NTRK2: variants seen among roughly 807,000 people sequenced by gnomAD.
NTRK2 encodes neurotrophic receptor tyrosine kinase 2.
In NTRK2, 13 loss-of-function variants were observed where a neutral mutation model predicts 94.5. That is an observed-to-expected ratio of 0.14 (90% confidence interval 0.09 to 0.22). The LOEUF (loss-of-function observed/expected upper bound fraction) is 0.22. Ranked by LOEUF, NTRK2 falls within the 10% of genes least tolerant of loss-of-function variation. NTRK2 has a pLI of 1.00. For synonymous variants in NTRK2, 372 were observed against 407.4 expected (o/e 0.91, Z 1.05); for missense variants, 639 against 1,071.2 (o/e 0.60, Z 5.63).
intron 14 of NTRK2, among the ~76,000 whole-genome samples, chr9:84,887,530 C>T (rs1042069239): frequency 2.6e-5 from 4 of 152,186 alleles, no homozygotes; most frequent in Non-Finnish European, 4.4e-5. Flanking sequence ...CCTTTAAAGG[C>T]CTCGGAGAAA....
chr9:84,812,677 T>C (rs777189221), intron 12 of NTRK2: 36 of 1,043,144 alleles, frequency 3.5e-5, no homozygotes, highest in Non-Finnish European at 4.2e-5. Flanking sequence ...CAAAAAAGAT[T>C]TTTAAAGCTT....
chr9:84,784,088 G>C (rs1003838786), intron 12 of NTRK2, among the ~76,000 whole-genome samples: 1 of 152,138 alleles, frequency 6.6e-6, no homozygotes, highest in East Asian at 1.9e-4. Flanking sequence ...AAGGCAGCAA[G>C]GTTGAAAGAA....
chr9:84,773,863 T>C (rs2066786311), intron 12 of NTRK2, among the ~76,000 whole-genome samples: 1 of 152,206 alleles, frequency 6.6e-6, no homozygotes, highest in South Asian at 2.1e-4. Flanking sequence ...AAGTGCTTTA[T>C]GCATACAATC....
Position 85,022,869 on chromosome 9 carries a change from C to A in NTRK2, c.*1432C>A, listed in dbSNP as rs184850745. 9 of 233,246 alleles carry A rather than the reference C, an allele frequency of 3.9e-5. No individual in the cohort carries two copies. The East Asian group carries it at 5.4e-4, about 14-fold the overall frequency. The allele number at this position is 233,246 out of a possible 1,614,324, so 14.4% of individuals were successfully genotyped here. On this transcript the variant is annotated 3_prime_UTR_variant, in exon 19 of 19. Coordinates refer to ENST00000277120, the MANE Select transcript of NTRK2 (RefSeq NM_006180.6). ...CGAACCCACAGGACTGTGGGAAGGGCAGAATCAATCCCTAAGGGAAAGGAA... is the reference window on the plus strand; with the variant it reads ...CGAACCCACAGGACTGTGGGAAGGGAAGAATCAATCCCTAAGGGAAAGGAA...
intron 12 of NTRK2, among the ~76,000 whole-genome samples, chr9:84,764,519 A>T (rs996548845): frequency 6.6e-5 from 10 of 152,192 alleles, no homozygotes; most frequent in Non-Finnish European, 1.0e-4. Context: ...AGCTGCCTAC[A>T]CTAGGGAGGG....
intron 12 of NTRK2, among the ~76,000 whole-genome samples, chr9:84,842,959 G>A (rs1587631878): frequency 6.6e-6 from 1 of 152,270 alleles, no homozygotes; most frequent in Admixed American, 6.5e-5. Flanking sequence ...CCATGATCCA[G>A]TCTTTTTGAA....
At chr9:84,997,943 C>T (rs746208379) in intron 17 of NTRK2, among the ~76,000 whole-genome samples, 5 of 152,202 alleles carry the variant, frequency 3.3e-5, no homozygotes, top group Non-Finnish European at 5.9e-5. Flanking sequence ...TATGCTCCAG[C>T]CCCTGCTGTG....
Position 84,845,284 on chromosome 9 carries a change from C to T in NTRK2, c.1397-15756C>T, listed in dbSNP as rs867448759. On this transcript the variant is annotated intron_variant, in intron 12 of 18. Coordinates refer to ENST00000277120, the MANE Select transcript of NTRK2 (RefSeq NM_006180.6). ...ACACACACACACACACACACACACA[C>T]GGCTATCACTATTTGTTTCTATTTA... is the stretch of plus-strand genomic sequence containing the variant. Among the ~76,000 whole-genome samples the T allele has an allele frequency of 1.1e-3, 156 of 147,082 alleles. 1 individual carries two copies. The highest frequency in any genetic ancestry group is 1.9e-3 in the Non-Finnish European group (127 of 66,286).
At chr9:84,964,240 G>A (rs1039841051) in intron 17 of NTRK2, among the ~76,000 whole-genome samples, 33 of 152,172 alleles carry the variant, frequency 2.2e-4, no homozygotes, top group African/African-American at 8.0e-4. Flanking sequence ...CATGGGAACA[G>A]TTTGATCCTT....
chr9:84,870,386 G>T lies in NTRK2; in HGVS notation c.1633+2955G>T, dbSNP rs2075818211. On this transcript the variant is annotated intron_variant, in intron 14 of 18. Transcript: ENST00000277120. ...ATATAAAACTCTGTCACCCAGGCTG[G>T]AGTGCAATGGCACAATCATAGCTCA... Among the ~76,000 whole-genome samples the T allele has an allele frequency of 2.6e-5, 3 of 116,712 alleles. No homozygotes were observed. The Admixed American group carries it at 3.1e-4, about 12-fold the overall frequency. 76.6% of individuals were successfully genotyped at this position (116,712 alleles called of 152,430 possible).
chr9:84,744,853 G>C (rs57332605), intron 10 of NTRK2, 120 bp from the exon 11 acceptor site: 1 of 809,552 alleles, frequency 1.2e-6, no homozygotes, highest in Admixed American at 1.7e-5. Context: ...CCAGACTGTC[G>C]GGGGTTTGGA....
chr9:84,714,732 G>C (rs948690474), intron 6 of NTRK2, among the ~76,000 whole-genome samples: 1 of 152,126 alleles, frequency 6.6e-6, no homozygotes, highest in African/African-American at 2.4e-5. Context: ...ATGAATTTAT[G>C]GTCAGCTGGC....
chr9:84,874,668 T>C, intron 14 of NTRK2: 1 of 1,061,812 alleles, frequency 9.4e-7, no homozygotes, highest in Non-Finnish European at 1.1e-6. Context: ...GGTTGCCACA[T>C]AAAGGAATCT....
At chr9:84,882,661 G>T (rs1394053006) in intron 14 of NTRK2, among the ~76,000 whole-genome samples, 1 of 151,688 alleles carries the variant, frequency 6.6e-6, no homozygotes, top group African/African-American at 2.4e-5. Flanking sequence ...AAAGCTCTTG[G>T]ACCTGTGTTT....
At chr9:84,774,006 C>A (rs903203140) in intron 12 of NTRK2, among the ~76,000 whole-genome samples, 1 of 152,212 alleles carries the variant, frequency 6.6e-6, no homozygotes, top group African/African-American at 2.4e-5. Flanking sequence ...TGCCTCAGGA[C>A]AGTCATGTCC....
chr9:84,784,750 G>A (rs1234964950), intron 12 of NTRK2, among the ~76,000 whole-genome samples: 1 of 152,152 alleles, frequency 6.6e-6, no homozygotes, highest in East Asian at 1.9e-4. Context: ...GGCAGAAGAT[G>A]TTTAATAAAT....
chr9:84,984,403 C>A (rs750201796), intron 17 of NTRK2, among the ~76,000 whole-genome samples: 1 of 152,032 alleles, frequency 6.6e-6, no homozygotes. Flanking sequence ...ACCCGGGAGG[C>A]GGAGGTTGTA....
At chr9:84,852,414 T>A (rs1449155077) in intron 12 of NTRK2, among the ~76,000 whole-genome samples, 2 of 152,128 alleles carry the variant, frequency 1.3e-5, no homozygotes, top group Admixed American at 1.3e-4. Flanking sequence ...GCTGAGAAAA[T>A]GTTTATAAAG....
chr9:84,911,593 T>A (rs1401260540), intron 14 of NTRK2, among the ~76,000 whole-genome samples: 1 of 152,160 alleles, frequency 6.6e-6, no homozygotes, highest in Non-Finnish European at 1.5e-5. Context: ...CTTCTCCATG[T>A]CTGTAGGGTT....
Sources: allele counts gnomAD v4.1 joint callset (sites outside exome capture counted in the v4.1 genomes callset), GRCh38; gene constraint gnomAD v4.1.1; transcripts MANE v1.5; gene names NCBI Gene and HGNC (gene_info 2026-07-23, HGNC 2026-07-21).